The following PDZRN4 variants were observed in gnomAD, a reference collection of about 807,000 sequenced individuals.
The protein encoded by PDZRN4 is PDZ domain-containing RING finger protein 4.
Under a neutral mutation model 99.0 loss-of-function variants are expected in PDZRN4, and 70 were observed. That is an observed-to-expected ratio of 0.71 (90% CI 0.58 to 0.86). PDZRN4 has a LOEUF of 0.86. Among genes scored for constraint, PDZRN4 ranks in the 40% least tolerant of loss-of-function variants. PDZRN4 has a pLI of 0.00. For missense variants in PDZRN4, 1,474 were observed against 1,331.2 expected, an observed-to-expected ratio of 1.11 and a Z score of -1.67; for synonymous variants, 551 against 501.6, an observed-to-expected ratio of 1.10 and a Z score of -1.32.
chr12:41,527,852 C>T (rs1938595959), intron 5 of PDZRN4, among the ~76,000 whole-genome samples: 1 of 152,190 alleles, frequency 6.6e-6, no homozygotes, highest in African/African-American at 2.4e-5. Context: ...CTGATTCTGT[C>T]TCACTCTGAG....
At chr12:41,241,680 CA>C (rs142656529) in intron 3 of PDZRN4, among the ~76,000 whole-genome samples, 10 of 152,226 alleles carry the variant, frequency 6.6e-5, no homozygotes, top group Admixed American at 1.3e-4. Context: ...CACACACAGA[CA>C]TTTTTTTTTC....
chr12:41,470,548 C>T (rs1242041334), intron 3 of PDZRN4, among the ~76,000 whole-genome samples: 4 of 151,798 alleles, frequency 2.6e-5, no homozygotes, highest in Non-Finnish European at 5.9e-5. Flanking sequence ...ATGTGCACAA[C>T]GTGCAGGTTT....
chr12:41,436,265 G>A (rs561046898), intron 3 of PDZRN4, among the ~76,000 whole-genome samples: 6 of 152,202 alleles, frequency 3.9e-5, no homozygotes, highest in South Asian at 2.1e-4. Flanking sequence ...CCAGAAAATC[G>A]GATTATTACA....
At chr12:41,478,797 C>T (rs1250109191) in intron 3 of PDZRN4, among the ~76,000 whole-genome samples, 1 of 152,044 alleles carries the variant, frequency 6.6e-6, no homozygotes, top group Non-Finnish European at 1.5e-5. Context: ...ACACACTGTT[C>T]CTGATATCCA....
intron 3 of PDZRN4, among the ~76,000 whole-genome samples, chr12:41,268,115 C>CT (rs1464657603): frequency 2.1e-5 from 3 of 146,330 alleles, no homozygotes; most frequent in African/African-American, 8.1e-5. Context: ...ACAAAAGAGG[C>CT]ATTTTTTTTA....
At chr12:41,558,164 G>A (rs1449479669) in intron 7 of PDZRN4, among the ~76,000 whole-genome samples, 1 of 152,166 alleles carries the variant, frequency 6.6e-6, no homozygotes, top group African/African-American at 2.4e-5. Flanking sequence ...AACATCTCCA[G>A]TAAAATATAC....
chr12:41,448,385 A>G (rs1404843319), intron 3 of PDZRN4, among the ~76,000 whole-genome samples: 1 of 152,154 alleles, frequency 6.6e-6, no homozygotes, highest in Non-Finnish European at 1.5e-5. Context: ...CTTATGGCTC[A>G]ATCCAAAGTT....
At chr12:41,534,341 A>C (rs1938713646) in intron 5 of PDZRN4, among the ~76,000 whole-genome samples, 1 of 151,652 alleles carries the variant, frequency 6.6e-6, no homozygotes, top group African/African-American at 2.4e-5. Flanking sequence ...GGTCTGTTAC[A>C]TAGGTAAAGA....
chr12:41,342,712 T>A (rs1951826907), intron 3 of PDZRN4, among the ~76,000 whole-genome samples: 2 of 151,898 alleles, frequency 1.3e-5, no homozygotes, highest in Admixed American at 6.6e-5. Flanking sequence ...AGAAAATATA[T>A]ATTGGCAAAT....
At chr12:41,254,112 T>C (rs1220226483) in intron 3 of PDZRN4, among the ~76,000 whole-genome samples, 3 of 151,740 alleles carry the variant, frequency 2.0e-5, no homozygotes. Context: ...GTAAAGGTGG[T>C]AAATTAAATA....
intron 5 of PDZRN4, among the ~76,000 whole-genome samples, chr12:41,541,362 C>T (rs541837300): frequency 5.5e-4 from 83 of 152,044 alleles, no homozygotes; most frequent in Admixed American, 1.6e-3. Flanking sequence ...TGGCTGCCAA[C>T]GACATTGATT....
chr12:41,552,609 G>C, intron 5 of PDZRN4, 47 bp from the exon 6 acceptor site: 1 of 1,452,490 alleles, frequency 6.9e-7, no homozygotes. Context: ...TTCTGTTGCA[G>C]ATTTTCTCTC....
intron 3 of PDZRN4, among the ~76,000 whole-genome samples, chr12:41,398,443 G>A (rs1176342039): frequency 3.3e-5 from 5 of 151,736 alleles, no homozygotes; most frequent in Non-Finnish European, 7.4e-5. Context: ...AGGGAAAGAA[G>A]TAGGAAGGAA....
At chr12:41,362,850 CTT>C (rs1312691782) in intron 3 of PDZRN4, among the ~76,000 whole-genome samples, 5 of 152,076 alleles carry the variant, frequency 3.3e-5, no homozygotes, top group Non-Finnish European at 5.9e-5. Flanking sequence ...TTAATTATGA[CTT>C]TTATTAATCA....
At chr12:41,418,316 T>G (rs867661420) in intron 3 of PDZRN4, among the ~76,000 whole-genome samples, 1 of 152,214 alleles carries the variant, frequency 6.6e-6, no homozygotes, top group African/African-American at 2.4e-5. Context: ...TGAATCATTG[T>G]TATCAATTCT....
intron 3 of PDZRN4, among the ~76,000 whole-genome samples, chr12:41,423,014 C>G (rs940896438): frequency 2.0e-5 from 3 of 152,146 alleles, no homozygotes; most frequent in Non-Finnish European, 4.4e-5. Flanking sequence ...CTGATATGCT[C>G]TGTTCAGCAC....
At chr12:41,517,277 G>C (rs1312102643) in intron 5 of PDZRN4, among the ~76,000 whole-genome samples, 1 of 152,016 alleles carries the variant, frequency 6.6e-6, no homozygotes, top group Non-Finnish European at 1.5e-5. Context: ...ATAAAATAAA[G>C]ATTCCTTATA....
At chr12:41,280,187 T>A (rs991694481) in intron 3 of PDZRN4, among the ~76,000 whole-genome samples, 2 of 152,142 alleles carry the variant, frequency 1.3e-5, no homozygotes, top group Non-Finnish European at 2.9e-5. Context: ...GCAGCCTAGA[T>A]ACTATGCTTT....
At chr12:41,220,255 T>C (rs1950946021) in intron 3 of PDZRN4, among the ~76,000 whole-genome samples, 3 of 152,116 alleles carry the variant, frequency 2.0e-5, no homozygotes, top group South Asian at 4.1e-4. Flanking sequence ...TGAGTCCTTT[T>C]TCCTTGGCAT....
Sources: gnomAD v4.1 joint callset for allele counts (sites outside exome capture counted in the v4.1 genomes callset) on GRCh38, gnomAD v4.1.1 for gene constraint, MANE v1.5 for transcripts, NCBI Gene and HGNC (gene_info 2026-07-23, HGNC 2026-07-21) for gene names.